CIMIP6: variants seen among roughly 807,000 people sequenced by gnomAD.
CIMIP6 encodes uncharacterized protein C2orf73.
At chr2:54,332,491 T>A in the CIMIP6 span, among the ~76,000 whole-genome samples, 1 of 152,200 alleles carries the variant, frequency 6.6e-6, no homozygotes, top group African/African-American at 2.4e-5. Context: ...TCTCTTACAA[T>A]AGGTATTGTT....
chr2:54,348,359 T>A, the CIMIP6 span, among the ~76,000 whole-genome samples: 1 of 152,210 alleles, frequency 6.6e-6, no homozygotes, highest in African/African-American at 2.4e-5. Flanking sequence ...ATGTGTTGAG[T>A]TGAAATTTAG....
At chr2:54,342,809 C>T in the CIMIP6 span, among the ~76,000 whole-genome samples, 12 of 152,036 alleles carry the variant, frequency 7.9e-5, no homozygotes, top group Non-Finnish European at 1.0e-4. Context: ...TTGATTATAC[C>T]GGAAGTTACT....
the CIMIP6 span, among the ~76,000 whole-genome samples, chr2:54,337,732 A>G: frequency 1.3e-5 from 2 of 152,230 alleles, no homozygotes; most frequent in African/African-American, 4.8e-5. Context: ...TAGGTGACAG[A>G]ATAGTAGTAG....
the CIMIP6 span, chr2:54,343,888 T>C: frequency 6.4e-7 from 1 of 1,559,234 alleles, no homozygotes; most frequent in Non-Finnish European, 8.7e-7. Flanking sequence ...GGTTTTGCAG[T>C]GGTAAAAACC....
the CIMIP6 span, chr2:54,359,182 TC>T: frequency 1.5e-6 from 1 of 687,526 alleles, no homozygotes; most frequent in South Asian, 1.9e-5. Context: ...ACAAACTACT[TC>T]AGTTATTAAT....
At chr2:54,341,695 C>G in the CIMIP6 span, among the ~76,000 whole-genome samples, 1 of 152,096 alleles carries the variant, frequency 6.6e-6, no homozygotes. Context: ...GGTGATATAT[C>G]TTGGGGAAGT....
the CIMIP6 span, among the ~76,000 whole-genome samples, chr2:54,371,358 C>G: frequency 6.6e-6 from 1 of 152,210 alleles, no homozygotes; most frequent in Admixed American, 6.5e-5. Context: ...GTGCTGGCTC[C>G]TATTGGGTCT....
At chr2:54,340,860 G>A in the CIMIP6 span, among the ~76,000 whole-genome samples, 1 of 152,160 alleles carries the variant, frequency 6.6e-6, no homozygotes, top group Non-Finnish European at 1.5e-5. Flanking sequence ...TGCTACTCAG[G>A]AGGCTAAGGT....
the CIMIP6 span, among the ~76,000 whole-genome samples, chr2:54,339,032 T>C: frequency 2.8e-5 from 2 of 71,618 alleles, 1 homozygote; most frequent in Non-Finnish European, 7.2e-5. Context: ...GGTGCGTGCC[T>C]GTAGTCCTAG....
the CIMIP6 span, among the ~76,000 whole-genome samples, chr2:54,367,783 T>C: frequency 6.6e-6 from 1 of 152,180 alleles, no homozygotes; most frequent in South Asian, 2.1e-4. Context: ...TCCGGTGCTA[T>C]TCTATGGCCA....
the CIMIP6 span, chr2:54,335,021 A>G: frequency 1.3e-6 from 2 of 1,588,562 alleles, no homozygotes; most frequent in Non-Finnish European, 1.7e-6. Flanking sequence ...GGCCAGAAAT[A>G]CAGGTTGGAC....
the CIMIP6 span, among the ~76,000 whole-genome samples, chr2:54,341,136 A>C: frequency 2.0e-5 from 3 of 152,004 alleles, no homozygotes; most frequent in East Asian, 5.8e-4. Context: ...CTTATCACAG[A>C]AGAACTTTCT....
the CIMIP6 span, among the ~76,000 whole-genome samples, chr2:54,382,557 G>C: frequency 2.0e-5 from 3 of 151,820 alleles, no homozygotes; most frequent in African/African-American, 7.3e-5. Context: ...ATCCTCTCCA[G>C]TATCTCTACC....
the CIMIP6 span, among the ~76,000 whole-genome samples, chr2:54,368,243 T>C: frequency 6.6e-6 from 1 of 152,196 alleles, no homozygotes; most frequent in African/African-American, 2.4e-5. Context: ...GAGTTGTGGA[T>C]AGTGGGAAGG....
the CIMIP6 span, among the ~76,000 whole-genome samples, chr2:54,382,546 T>C: frequency 2.0e-5 from 3 of 152,142 alleles, no homozygotes; most frequent in Non-Finnish European, 4.4e-5. Context: ...CCACTTGAAA[T>C]ATCCTCTCCA....
chr2:54,357,255 A>G, the CIMIP6 span, among the ~76,000 whole-genome samples: 2 of 152,250 alleles, frequency 1.3e-5, no homozygotes, highest in African/African-American at 4.8e-5. Flanking sequence ...GCTTGCTAAT[A>G]AAATTAGTTT....
the CIMIP6 span, among the ~76,000 whole-genome samples, chr2:54,369,032 G>A: frequency 1.3e-5 from 2 of 152,136 alleles, no homozygotes. Context: ...TGGTCTTGGG[G>A]ACCTCACGCT....
chr2:54,373,326 G>A, the CIMIP6 span, among the ~76,000 whole-genome samples: 1 of 113,960 alleles, frequency 8.8e-6, no homozygotes, highest in Non-Finnish European at 2.0e-5. Flanking sequence ...CGCCTGGGCT[G>A]CCCAGGCCTT....
the CIMIP6 span, among the ~76,000 whole-genome samples, chr2:54,376,399 A>C: frequency 6.6e-6 from 1 of 152,186 alleles, no homozygotes; most frequent in African/African-American, 2.4e-5. Flanking sequence ...CGTAAGTACC[A>C]ACTCACTAAG....
Sources: allele counts gnomAD v4.1 joint callset (sites outside exome capture counted in the v4.1 genomes callset), GRCh38; gene constraint gnomAD v4.1.1; transcripts MANE v1.5; gene names NCBI Gene and HGNC (gene_info 2026-07-23, HGNC 2026-07-21).